VWA3A: variants seen among roughly 807,000 people sequenced by gnomAD.
VWA3A encodes von Willebrand factor A domain containing 3A, also known as von Willebrand factor A domain-containing protein 3A.
A neutral mutation model predicts 160.4 loss-of-function variants in VWA3A; 134 were observed. The observed-to-expected ratio is 0.84, with a 90% confidence interval of 0.73 to 0.96. The LOEUF (loss-of-function observed/expected upper bound fraction) is 0.96, where lower values mean the gene tolerates loss of function less well. VWA3A is among the 40% of genes least tolerant of loss of function. The probability of loss-of-function intolerance (pLI) is 0.00; values close to 1 mark genes in which losing one functional copy is unlikely to be tolerated. For synonymous variants in VWA3A, 476 were observed against 543.4 expected, an observed-to-expected ratio of 0.88 and a Z score of 1.72; for missense variants, 1,310 against 1,447.9, an observed-to-expected ratio of 0.90 and a Z score of 1.55.
chr16:22,110,715 C>T (rs1469661684), intron 7 of VWA3A, among the ~76,000 whole-genome samples, 173 bp from the exon 8 acceptor site: 2 of 152,156 alleles, frequency 1.3e-5, no homozygotes, highest in Non-Finnish European at 2.9e-5. Flanking sequence ...ACAGGAGGCC[C>T]GGCAGGCAGG....
intron 29 of VWA3A, 80 bp from the exon 30 acceptor site, chr16:22,150,615 G>A: frequency 2.7e-6 from 4 of 1,480,734 alleles, no homozygotes; most frequent in Non-Finnish European, 3.6e-6. Flanking sequence ...GCGGCAGCAG[G>A]CACTACCTTT....
intron 17 of VWA3A, among the ~76,000 whole-genome samples, chr16:22,127,474 T>C (rs2045871076): frequency 6.6e-6 from 1 of 152,092 alleles, no homozygotes; most frequent in African/African-American, 2.4e-5. Context: ...TTTTAACTAA[T>C]AAGGGAAGAC....
chr16:22,140,030 G>A (rs1208139403), intron 22 of VWA3A, 124 bp from the exon 23 acceptor site: 2 of 867,546 alleles, frequency 2.3e-6, no homozygotes, highest in East Asian at 2.8e-5. Context: ...ACCTGTCTGA[G>A]GAGTCCCCTC....
chr16:22,129,406 GAAA>G (rs2141950423), intron 17 of VWA3A, among the ~76,000 whole-genome samples: 1 of 130,228 alleles, frequency 7.7e-6, no homozygotes, highest in Non-Finnish European at 1.7e-5. Flanking sequence ...AAAAAAAAAA[GAAA>G]GAAAGAAAGA....
At chr16:22,144,112 C>T in intron 25 of VWA3A, 135 bp from the exon 26 acceptor site, 1 of 1,100,830 alleles carries the variant, frequency 9.1e-7, no homozygotes, top group Non-Finnish European at 1.3e-6. Context: ...GGGATGGATG[C>T]TCTGTGAGGA....
chr16:22,111,825 C>T (rs1285781865), intron 8 of VWA3A, among the ~76,000 whole-genome samples: 1 of 152,130 alleles, frequency 6.6e-6, no homozygotes, highest in Non-Finnish European at 1.5e-5. Context: ...CTATGTTGTC[C>T]AGGCTGGTCC....
intron 27 of VWA3A, 45 bp downstream of exon 27, chr16:22,146,389 T>G (rs1029317144): frequency 2.6e-6 from 4 of 1,558,596 alleles, no homozygotes; most frequent in Non-Finnish European, 3.5e-6. Context: ...CATGAGGGGA[T>G]GTAGAAGGCT....
chr16:22,143,677 A>G (rs2046193421), intron 25 of VWA3A, among the ~76,000 whole-genome samples: 1 of 151,920 alleles, frequency 6.6e-6, no homozygotes, highest in Non-Finnish European at 1.5e-5. Flanking sequence ...AACAGTGTCC[A>G]CTAGACTAGG....
chr16:22,095,580 C>G (rs543729762), intron 1 of VWA3A, among the ~76,000 whole-genome samples: 1 of 152,164 alleles, frequency 6.6e-6, no homozygotes, highest in African/African-American at 2.4e-5. Context: ...TTTTTAGAAA[C>G]AGAATCTCCC....
At chr16:22,113,376 T>TTTTTTTTTTTTTTTTTA in intron 8 of VWA3A, among the ~76,000 whole-genome samples, 1 of 106,330 alleles carries the variant, frequency 9.4e-6, no homozygotes, top group Non-Finnish European at 1.7e-5. Context: ...TTTTTTTTTT[T>TTTTTTTTTTTTTTTTTA]TTTTTTTTTT....
chr16:22,149,411 T>A (rs192854183), intron 28 of VWA3A, among the ~76,000 whole-genome samples: 211 of 152,166 alleles, frequency 1.4e-3, no homozygotes, highest in Non-Finnish European at 2.1e-3. Context: ...GCTAATTTTT[T>A]AAAAATCTTT....
intron 3 of VWA3A, among the ~76,000 whole-genome samples, chr16:22,099,087 C>A (rs1168720683): frequency 1.3e-5 from 2 of 151,494 alleles, no homozygotes; most frequent in African/African-American, 2.4e-5. Context: ...TAAAATGAGA[C>A]CCTGTCTCAA....
intron 28 of VWA3A, 30 bp from the exon 29 acceptor site, chr16:22,149,757 C>T (rs1221089266): frequency 5.1e-6 from 8 of 1,571,340 alleles, no homozygotes; most frequent in African/African-American, 1.4e-5. Context: ...CCCTTCTCTG[C>T]CCCTCACCTC....
intron 8 of VWA3A, 80 bp from the exon 9 acceptor site, chr16:22,115,267 C>T (rs1030489834): frequency 6.9e-7 from 1 of 1,444,502 alleles, no homozygotes; most frequent in Non-Finnish European, 9.2e-7. Context: ...CACAGCAAGC[C>T]CTTATCTCTA....
Position 22,152,557 on chromosome 16 carries a change from C to G in VWA3A, c.3328C>G (p.Arg1110Gly). The G allele has an allele frequency of 6.2e-7, 1 of 1,612,578 alleles. No individual in the cohort carries two copies. Among genetic ancestry groups the G allele is most frequent in the Non-Finnish European group, 8.5e-7 (1 of 1,179,294 alleles). ...LRKLASFTGG[R>G]YHCPVGEDTL... ...AAAGCTGGCTTCCTTCACCGGCGGA[C>G]GCTATCACTGCCCTGTGGGTGAGGA... The change falls in exon 31 of 34, where the codon CGC (arginine) becomes GGC (glycine). Residue 1110 changes from arginine (R) to glycine (G), a missense_variant. Arg to Gly is a moderately radical substitution (Grantham distance 125). Transcript: ENST00000389398.
At chr16:22,100,855 A>G (rs1233892414) in intron 5 of VWA3A, among the ~76,000 whole-genome samples, 2 of 149,482 alleles carry the variant, frequency 1.3e-5, no homozygotes, top group Non-Finnish European at 3.0e-5. Flanking sequence ...AAAAAAAAAA[A>G]GAAAGGAAAA....
chr16:22,156,510 C>G lies in VWA3A; in HGVS notation c.*493C>G, dbSNP rs565542304. The stretch of plus-strand genomic sequence containing the variant: ...ATGTCACGCCACCTTGCTCGCTGAT[C>G]TAACTCTTCTCCTTGATGGTGAGCT... On this transcript the variant is annotated 3_prime_UTR_variant, in exon 34 of 34. Transcript: ENST00000389398. 6.6e-6 allele frequency: 1 copy of G among 152,610 alleles called. No homozygotes were observed. Among genetic ancestry groups the G allele is most frequent in the Non-Finnish European group, 1.5e-5 (1 of 68,396 alleles). 9.5% of individuals were successfully genotyped at this position (152,610 alleles called of 1,614,324 possible).
intron 30 of VWA3A, 28 bp from the exon 31 acceptor site, chr16:22,152,483 C>T (rs2046366300): frequency 6.2e-7 from 1 of 1,610,264 alleles, no homozygotes; most frequent in South Asian, 1.1e-5. Flanking sequence ...GTCAGCCTTC[C>T]CACCAGCCCT....
chr16:22,126,099 C>A lies in VWA3A; in HGVS notation c.1533-79C>A, dbSNP rs868226601. The A allele has an allele frequency of 3.8e-6, 6 of 1,583,514 alleles. No individual in the cohort carries two copies. In the Middle Eastern group the frequency reaches 1.0e-3, roughly 266 times the overall value. On this transcript the variant is annotated intron_variant, in intron 16 of 33. Coordinates refer to ENST00000389398, the MANE Select transcript of VWA3A (RefSeq NM_173615.5). ...CATGCAAAATTCCCCTGGAAAAAAACTTTAAATAGTAAAATGGAACAAAAT... is the reference window on the plus strand; with the variant it reads ...CATGCAAAATTCCCCTGGAAAAAAAATTTAAATAGTAAAATGGAACAAAAT...
Sources: gnomAD v4.1 joint callset for allele counts (sites outside exome capture counted in the v4.1 genomes callset) on GRCh38, gnomAD v4.1.1 for gene constraint, MANE v1.5 for transcripts, NCBI Gene and HGNC (gene_info 2026-07-23, HGNC 2026-07-21) for gene names.